DENND3: variants seen among roughly 807,000 people sequenced by gnomAD.
DENND3 encodes DENN domain-containing protein 3.
Under a neutral mutation model 135.1 loss-of-function variants are expected in DENND3, and 88 were observed. The ratio of observed to expected loss-of-function variants is 0.65; its 90% CI spans 0.55 to 0.78. The LOEUF (loss-of-function observed/expected upper bound fraction) is 0.78, where lower values mean the gene tolerates loss of function less well. DENND3 is among the 30% of genes least tolerant of loss of function. The pLI is 0.00. For synonymous variants in DENND3, 693 were observed against 712.3 expected, an observed-to-expected ratio of 0.97 and a Z score of 0.43; for missense variants, 1,392 against 1,688.4, an observed-to-expected ratio of 0.82 and a Z score of 3.08.
At position 141,156,175 on chromosome 8, in the gene DENND3, C is replaced by T. The variant is rs556693434; in HGVS notation, c.1196+205C>T. On this transcript the variant is annotated intron_variant, in intron 8 of 22. Coordinates refer to ENST00000519811, the MANE Select transcript of DENND3 (RefSeq NM_001352890.3). Reference sequence around the variant, plus strand: ...AGTGCAGTGGCGCAATCTCGGCTCACTGCAACCTCTGCCTCCCACGTTCAA... The same window carrying T: ...AGTGCAGTGGCGCAATCTCGGCTCATTGCAACCTCTGCCTCCCACGTTCAA... Among the ~76,000 whole-genome samples, 4 of 152,288 alleles carry T rather than the reference C, an allele frequency of 2.6e-5. No homozygotes were observed. The East Asian group carries it at 7.7e-4, about 29-fold the overall frequency.
chr8:141,141,233 C>T lies in DENND3; in HGVS notation c.532C>T (p.His178Tyr). 6.2e-7 allele frequency: 1 copy of T among 1,614,210 alleles called. No individual in the cohort carries two copies. The highest frequency in any genetic ancestry group is 1.3e-5 in the African/African-American group (1 of 75,056). The change falls in exon 4 of 23, where the codon CAC becomes TAC. Residue 178 changes from histidine to tyrosine, a missense_variant. His to Tyr is a moderately conservative substitution (Grantham distance 83). Coordinates refer to ENST00000519811, the MANE Select transcript of DENND3 (RefSeq NM_001352890.3). The surrounding 1 kb of genome is among the most constrained non-coding windows in gnomAD (Gnocchi z 5.3). ...GTACTGTTTCTACAATGGCAAAACG[C>T]ACCGGGAGTGTCCTGGCTGCTTCGT... ...DEYCFYNGKT[H>Y]RECPGCFVPF...
chr8:141,175,527 C>T lies in DENND3; in HGVS notation c.2535+68C>T. The T allele has an allele frequency of 6.2e-7, 1 of 1,610,036 alleles. No individual in the cohort carries two copies. The highest frequency in any genetic ancestry group is 8.5e-7 in the Non-Finnish European group (1 of 1,179,044). ...TTAGGAGACAGATGGCTGGAGTGGG[C>T]CCTGAGCAGTCTGCCAGCCATGCCA... On this transcript the variant is annotated intron_variant, in intron 14 of 22. Coordinates refer to ENST00000519811, the MANE Select transcript of DENND3 (RefSeq NM_001352890.3). The surrounding 1 kb of genome is among the most constrained non-coding windows in gnomAD (Gnocchi z 5.4).
chr8:141,186,736 T>C (rs941857549), intron 18 of DENND3, among the ~76,000 whole-genome samples: 3 of 152,230 alleles, frequency 2.0e-5, no homozygotes, highest in African/African-American at 7.2e-5. Flanking sequence ...CCATGGTGTG[T>C]CGCTTCTTCC....
intron 3 of DENND3, among the ~76,000 whole-genome samples, chr8:141,140,629 T>C (rs937742596): frequency 6.6e-6 from 1 of 152,246 alleles, no homozygotes; most frequent in Admixed American, 6.5e-5. Flanking sequence ...GGATATCTTA[T>C]AAGTACCCTA....
rs774285438 is a variant in DENND3, at chr8:141,166,049, C to T, written c.1554-141C>T. ...GCTGCACTTGGTGAGATTTGGGCAA[C>T]ATGTTCTTACCAGTCTGTTTTCCAC... On this transcript the variant is annotated intron_variant, in intron 11 of 22. Transcript: ENST00000519811. The surrounding 1 kb of genome is among the most constrained non-coding windows in gnomAD (Gnocchi z 4.3). The T allele has an allele frequency of 1.9e-5, 17 of 875,398 alleles. No homozygotes were observed. Among genetic ancestry groups the T allele is most frequent in the Non-Finnish European group, 2.7e-5 (15 of 551,280 alleles). 54.2% of individuals were successfully genotyped at this position (875,398 alleles called of 1,614,324 possible).
rs1816828578 is a variant in DENND3 at position 141,136,696 on chromosome 8, A to G, written c.290A>G (p.Lys97Arg). 4 of 1,612,880 alleles carry G rather than the reference A, an allele frequency of 2.5e-6. No homozygotes were observed. In the Admixed American group the frequency reaches 6.7e-5, roughly 27 times the overall value. Residue 97 changes from lysine to arginine, a missense_variant, in exon 2 of 23, where the codon AAG (lysine) becomes AGG (arginine). Transcript: ENST00000519811. ...GAGAAGCCCAGACCAGAGCAGTGGAAGGGCCTCCCGGGGCCCCCCAGAGCG... is the reference window on the plus strand; with the variant it reads ...GAGAAGCCCAGACCAGAGCAGTGGAGGGGCCTCCCGGGGCCCCCCAGAGCG... ...KREKPRPEQW[K>R]GLPGPPRAPE...
At chr8:141,136,467 A>G (rs1816797792) in intron 1 of DENND3, 42 bp from the exon 2 acceptor site, 1 of 1,504,316 alleles carries the variant, frequency 6.6e-7, no homozygotes, top group Non-Finnish European at 8.9e-7. Context: ...CTCGAACAAG[A>G]GCTGAGGCTG....
chr8:141,142,000 C>A lies in DENND3; in HGVS notation c.623+676C>A. 4.4e-6 allele frequency: 1 copy of A among 228,710 alleles called. No homozygotes were observed. 14.2% of individuals were successfully genotyped at this position (228,710 alleles called of 1,614,324 possible). ...TCAAGGCTGCAGTGAGCTGTGATTG[C>A]ACCACCACACTCCAGCCTAGGTTAC... On this transcript the variant is annotated intron_variant, in intron 4 of 22. Coordinates refer to ENST00000519811, the MANE Select transcript of DENND3 (RefSeq NM_001352890.3). The surrounding 1 kb of genome is among the most constrained non-coding windows in gnomAD (Gnocchi z 5.3).
Position 141,194,188 on chromosome 8 carries a change from G to T in DENND3, c.3792G>T (p.Gly1264=), listed in dbSNP as rs1230919612. The part of the protein sequence containing the change: ...CSAEDRYVLS[G]SGREEGKVAI... ...CTGAGGACAGATACGTGCTGAGTGGGTCGGGCAGGGAGGAGGGGAAAGTCG... is the reference window on the plus strand; with the variant it reads ...CTGAGGACAGATACGTGCTGAGTGGTTCGGGCAGGGAGGAGGGGAAAGTCG... Residue 1264 remains glycine (G), a synonymous_variant, in exon 23 of 23, where the codon GGG becomes GGT. Transcript: ENST00000519811. 6.2e-7 allele frequency: 1 copy of T among 1,613,578 alleles called. No individual in the cohort carries two copies. Among genetic ancestry groups the T allele is most frequent in the Admixed American group, 1.7e-5 (1 of 60,026 alleles).
In DENND3 at chr8:141,187,425, G is replaced by A. The variant is rs371259079; in HGVS notation, c.3085-1561G>A. 1.4e-3 allele frequency among the ~76,000 whole-genome samples: 207 copies of A among 152,174 alleles called. 2 individuals are homozygous for A. Among genetic ancestry groups the A allele is most frequent in the South Asian group, 0.013 (61 of 4,810 alleles). Reference sequence around the variant, plus strand: ...TTTTGAGTAGAGATGGGGTTTCACCGTGCTGCTCAGGCTGGTCTCAAACTC... The same window carrying A: ...TTTTGAGTAGAGATGGGGTTTCACCATGCTGCTCAGGCTGGTCTCAAACTC... On this transcript the variant is annotated intron_variant, in intron 18 of 22. Transcript: ENST00000519811.
At chr8:141,148,719 G>A (rs1450768625) in intron 5 of DENND3, among the ~76,000 whole-genome samples, 4 of 151,892 alleles carry the variant, frequency 2.6e-5, no homozygotes, top group African/African-American at 9.7e-5. Flanking sequence ...CCAACCAAAG[G>A]CTGGTGGAGT....
intron 18 of DENND3, among the ~76,000 whole-genome samples, chr8:141,186,185 T>A (rs536007014): frequency 6.6e-6 from 1 of 152,242 alleles, no homozygotes; most frequent in South Asian, 2.1e-4. Flanking sequence ...ACTGCAGCAC[T>A]AAGGTTCCCA....
At chr8:141,165,376 A>G (rs879164230) in intron 11 of DENND3, 87 bp downstream of exon 11, 23 of 1,057,320 alleles carry the variant, frequency 2.2e-5, no homozygotes, top group Middle Eastern at 2.0e-4. Context: ...AGTAAATGAG[A>G]AAGTCAATGG....
chr8:141,149,978 C>A (rs1410262940), intron 5 of DENND3, among the ~76,000 whole-genome samples: 1 of 152,158 alleles, frequency 6.6e-6, no homozygotes, highest in Admixed American at 6.5e-5. Flanking sequence ...CTGTTTTCTC[C>A]CCCCGGCTCC....
At chr8:141,187,315 C>T (rs1824022879) in intron 18 of DENND3, among the ~76,000 whole-genome samples, 1 of 150,768 alleles carries the variant, frequency 6.6e-6, no homozygotes, top group Non-Finnish European at 1.5e-5. Flanking sequence ...AGTGTAGTGG[C>T]ACAATCGCTG....
Position 141,141,203 on chromosome 8 carries a change from G to A in DENND3, c.502G>A (p.Asp168Asn). The stretch of plus-strand genomic sequence containing the variant: ...CATGTCGCTGTTGCTTTTCATGTAG[G>A]ATGAGTACTGTTTCTACAATGGCAA... Reference protein sequence around the residue: ...VVAQYYRPLHDEYCFYNGKTH... With the variant: ...VVAQYYRPLHNEYCFYNGKTH... The change falls in exon 4 of 23, where the codon GAT becomes AAT. Residue 168 changes from aspartate (D) to asparagine (N), a missense_variant and splice_region_variant. Coordinates refer to ENST00000519811, the MANE Select transcript of DENND3 (RefSeq NM_001352890.3). The surrounding 1 kb of genome is among the most constrained non-coding windows in gnomAD (Gnocchi z 5.3). 3.7e-6 allele frequency: 6 copies of A among 1,614,208 alleles called. No homozygotes were observed. The highest frequency in any genetic ancestry group is 4.2e-6 in the Non-Finnish European group (5 of 1,180,042).
intron 20 of DENND3, chr8:141,191,412 A>T (rs1204456496): frequency 6.6e-6 from 1 of 152,282 alleles, no homozygotes; most frequent in East Asian, 1.9e-4. Flanking sequence ...CATATGGAAC[A>T]TGCTCATCCT....
At chr8:141,162,411 A>G (rs1820242350) in intron 9 of DENND3, among the ~76,000 whole-genome samples, 1 of 152,218 alleles carries the variant, frequency 6.6e-6, no homozygotes, top group Admixed American at 6.5e-5. Flanking sequence ...CCTGGGCAAC[A>G]TAGCAAGATC....
At chr8:141,155,818 C>T in intron 7 of DENND3, 31 bp from the exon 8 acceptor site, 2 of 1,548,522 alleles carry the variant, frequency 1.3e-6, no homozygotes, top group South Asian at 1.2e-5. Context: ...ATTCTTTTAT[C>T]AATCTTTACA....
Sources: allele counts gnomAD v4.1 joint callset (sites outside exome capture counted in the v4.1 genomes callset), GRCh38; gene constraint gnomAD v4.1.1; non-coding constraint Gnocchi (gnomAD v3.1); transcripts MANE v1.5; gene names NCBI Gene and HGNC (gene_info 2026-07-23, HGNC 2026-07-21).